ART3: variants seen among roughly 807,000 people sequenced by gnomAD.
ART3 encodes the protein ecto-ADP-ribosyltransferase 3.
In ART3, 49 loss-of-function variants were observed where a neutral mutation model predicts 48.5. The ratio of observed to expected loss-of-function variants is 1.01; its 90% CI spans 0.80 to 1.28. ART3 has a LOEUF of 1.28. Among genes scored for constraint, ART3 ranks in the 50% most tolerant of loss-of-function variants. The pLI, the probability that ART3 is intolerant of heterozygous loss-of-function variation, is 0.00. For missense variants in ART3, 438 were observed against 454.3 expected (o/e 0.96, Z 0.33); for synonymous variants, 145 against 157.2 (o/e 0.92, Z 0.58).
At chr4:76,092,497 T>C (rs1373582092) in intron 3 of ART3, among the ~76,000 whole-genome samples, 2 of 152,256 alleles carry the variant, frequency 1.3e-5, no homozygotes, top group Non-Finnish European at 1.5e-5. Context: ...AAAAATCTGC[T>C]GTGCTCCTCA....
rs553024147 is a variant in ART3, at chr4:76,035,090, CGTT to C, written c.-10+23773_-10+23775del. 6,064 of 1,613,672 alleles carry C rather than the reference CGTT, an allele frequency of 3.8e-3. 26 individuals are homozygous for C. The highest frequency in any genetic ancestry group is 7.3e-3 in the Middle Eastern group (44 of 6,056). On this transcript the variant is annotated intron_variant, in intron 1 of 9. Transcript: ENST00000341029. ...TTGCTTCGATTTGGGATTTAGGCATCGTTGTCCTTTATTTTCTTTCAGGGTAAT... is the reference window on the plus strand; with the variant it reads ...TTGCTTCGATTTGGGATTTAGGCATCGTCCTTTATTTTCTTTCAGGGTAAT...
chr4:76,110,646 G>T (rs17001416), intron 11 of ART3, among the ~76,000 whole-genome samples: 24,324 of 152,078 alleles, frequency 0.16, 3,028 homozygotes, highest in African/African-American at 0.34. Flanking sequence ...AAATGTAAAA[G>T]CATGTGAAAT....
At chr4:76,035,766 T>A (rs1386602961) in intron 1 of ART3, among the ~76,000 whole-genome samples, 2 of 152,270 alleles carry the variant, frequency 1.3e-5, no homozygotes, top group Non-Finnish European at 2.9e-5. Flanking sequence ...ATCTCTAGTA[T>A]CTTAAACATG....
At position 76,040,528 on chromosome 4, in the gene ART3, G is replaced by A. The variant is rs374037779; in HGVS notation, c.-10+29208G>A. 3.4e-4 allele frequency among the ~76,000 whole-genome samples: 16 copies of A among 47,286 alleles called. No homozygotes were observed. In the East Asian group the frequency reaches 0.015, roughly 43 times the overall value. 31.0% of individuals were successfully genotyped at this position (47,286 alleles called of 152,430 possible). A position where few individuals can be genotyped will look rare whatever the true frequency, so the allele number is the denominator to read the frequency against. On this transcript the variant is annotated intron_variant, in intron 1 of 9. Coordinates refer to the ART3 transcript ENST00000341029. The stretch of plus-strand genomic sequence containing the variant: ...CAGACTATATCAGGTTCTCCCCCCC[G>A]CCCCCTCCATGTGTCAGGGACTATA...
At chr4:76,014,264 A>G (rs992902330) in intron 1 of ART3, among the ~76,000 whole-genome samples, 1 of 152,188 alleles carries the variant, frequency 6.6e-6, no homozygotes, top group African/African-American at 2.4e-5. Flanking sequence ...GCTGTCTTAA[A>G]TATACTCAAA....
intron 1 of ART3, among the ~76,000 whole-genome samples, chr4:76,045,888 G>A (rs1470895734): frequency 6.6e-6 from 1 of 152,050 alleles, no homozygotes; most frequent in African/African-American, 2.4e-5. Context: ...GCCAGTATAG[G>A]CTGTATTCAT....
At chr4:76,074,116 C>T (rs147044144), upstream of ART3, among the ~76,000 whole-genome samples, 43 of 152,228 alleles carry the variant, frequency 2.8e-4, no homozygotes, top group African/African-American at 9.4e-4. Flanking sequence ...ACCATGTATG[C>T]GTTACTCAAA....
chr4:76,100,434 C>T (rs574714809), intron 6 of ART3, 114 bp downstream of exon 6: 2 of 1,057,708 alleles, frequency 1.9e-6, no homozygotes, highest in Admixed American at 2.2e-5. Context: ...AGATTGAGAC[C>T]ATCCTGGCCA....
Position 76,082,487 on chromosome 4 carries a change from C to T in ART3, c.733C>T (p.Gln245Ter). 6.2e-7 allele frequency: 1 copy of T among 1,608,526 alleles called. No individual in the cohort carries two copies. The highest frequency in any genetic ancestry group is 8.5e-7 in the Non-Finnish European group (1 of 1,177,576). ...GGGGGCTGGCAATAACCTTATCCTT[C>T]AAAGCATAAACAAGACCTGCAGCCA... is the stretch of plus-strand genomic sequence containing the variant. ...QEGAGNNLIL[Q>*]SINKTCSHYE... The change falls in exon 3 of 12, where the codon CAA (glutamine) becomes TAA (stop). Residue 245 changes from glutamine (Q) to a stop codon, truncating the protein, a stop_gained. Transcript: ENST00000355810. LOFTEE classifies it high-confidence loss of function.
chr4:76,020,787 G>A (rs1448455808), intron 1 of ART3, among the ~76,000 whole-genome samples: 1 of 152,086 alleles, frequency 6.6e-6, no homozygotes, highest in East Asian at 1.9e-4. Flanking sequence ...CCAGGAGTTC[G>A]AGGCTGCAGT....
intron 5 of ART3, 116 bp downstream of exon 5, chr4:76,099,103 AC>A: frequency 1.1e-6 from 1 of 914,934 alleles, no homozygotes. Context: ...GGAGTTTGAG[AC>A]CAGCCTGGGC....
intron 1 of ART3, among the ~76,000 whole-genome samples, chr4:76,042,971 C>A (rs1033798056): frequency 6.6e-6 from 1 of 151,868 alleles, no homozygotes; most frequent in African/African-American, 2.4e-5. Context: ...CTGAGCTAGA[C>A]ACAAAGGTTC....
In ART3 at chr4:76,042,676, T is replaced by C. The variant is rs190100102; in HGVS notation, c.-10+31356T>C. ...GGATGTGTTCGGAGTTTGTTCCTTCTGGTGGGTTCGTGGTCTCGCTGGCTC... is the reference window on the plus strand; with the variant it reads ...GGATGTGTTCGGAGTTTGTTCCTTCCGGTGGGTTCGTGGTCTCGCTGGCTC... On this transcript the variant is annotated intron_variant, in intron 1 of 9. Transcript: ENST00000341029. Among the ~76,000 whole-genome samples, 226 of 152,008 alleles carry C rather than the reference T, an allele frequency of 1.5e-3. 1 individual carries two copies. Among genetic ancestry groups the C allele is most frequent in the African/African-American group, 5.2e-3 (215 of 41,450 alleles).
intron 1 of ART3, among the ~76,000 whole-genome samples, chr4:76,026,644 G>A (rs1173689872): frequency 6.6e-6 from 1 of 152,152 alleles, no homozygotes; most frequent in Non-Finnish European, 1.5e-5. Flanking sequence ...TCTTCATTCC[G>A]GAACTCTGGT....
At position 76,100,857 on chromosome 4, in the gene ART3, C is replaced by T. The variant is rs147160804; in HGVS notation, c.907+33C>T. 1.7e-5 allele frequency: 27 copies of T among 1,608,340 alleles called. No individual in the cohort carries two copies. The African/African-American group carries it at 3.1e-4, about 18-fold the overall frequency. On this transcript the variant is annotated intron_variant, in intron 7 of 11. Coordinates refer to ENST00000355810, the MANE Select transcript of ART3 (RefSeq NM_001130016.3). ...ATTTTTTATAAATTCTGGGGGCTTA[C>T]ATTTTACAAGATACCTCCCTTTACA...
At chr4:76,093,078 T>A (rs1270017543) in intron 3 of ART3, among the ~76,000 whole-genome samples, 1 of 152,156 alleles carries the variant, frequency 6.6e-6, no homozygotes, top group Non-Finnish European at 1.5e-5. Flanking sequence ...TTCCAGAGGT[T>A]ACCTGCATTC....
rs141372968 is a variant in ART3, at chr4:76,099,068, G to A, written c.847+81G>A. ...TGTAATCCCAGCGCTTTGGAAGGCCGAGGTGAGTGGATCACTTGAGCCCAG... is the reference window on the plus strand; with the variant it reads ...TGTAATCCCAGCGCTTTGGAAGGCCAAGGTGAGTGGATCACTTGAGCCCAG... On this transcript the variant is annotated intron_variant, in intron 5 of 11. Transcript: ENST00000355810. 3.2e-4 allele frequency: 406 copies of A among 1,254,308 alleles called. 3 individuals are homozygous for A. The African/African-American group carries it at 5.1e-3, about 16-fold the overall frequency. 77.7% of individuals were successfully genotyped at this position (1,254,308 alleles called of 1,614,324 possible).
intron 1 of ART3, among the ~76,000 whole-genome samples, chr4:76,067,134 G>C (rs184273942): frequency 6.6e-6 from 1 of 152,316 alleles, no homozygotes; most frequent in African/African-American, 2.4e-5. Flanking sequence ...GAATTTTTAA[G>C]GTCTCTTAGA....
chr4:76,073,917 G>T (rs1436991491), upstream of ART3, among the ~76,000 whole-genome samples: 1 of 152,174 alleles, frequency 6.6e-6, no homozygotes, highest in Non-Finnish European at 1.5e-5. Flanking sequence ...TTCACTTACA[G>T]TCTAACCATT....
Sources: gnomAD v4.1 joint callset for allele counts (sites outside exome capture counted in the v4.1 genomes callset) on GRCh38, gnomAD v4.1.1 for gene constraint, MANE v1.5 for transcripts, NCBI Gene and HGNC (gene_info 2026-07-23, HGNC 2026-07-21) for gene names.